CNRIP1: variants seen among roughly 807,000 people sequenced by gnomAD.
The protein encoded by CNRIP1 is CB1 cannabinoid receptor-interacting protein 1.
Under a neutral mutation model 15.2 loss-of-function variants are expected in CNRIP1, and 10 were observed. The observed-to-expected ratio is 0.66, with a 90% confidence interval of 0.41 to 1.12. CNRIP1 has a LOEUF of 1.12. Ranked by LOEUF, CNRIP1 falls within the 50% of genes most tolerant of loss-of-function variation. CNRIP1 has a pLI of 0.00. For missense variants in CNRIP1, 211 were observed against 214.7 expected, an observed-to-expected ratio of 0.98 and a Z score of 0.11; for synonymous variants, 91 against 83.2, an observed-to-expected ratio of 1.09 and a Z score of -0.51.
At chr2:68,294,252 G>T (rs891771028) in intron 2 of CNRIP1, among the ~76,000 whole-genome samples, 1 of 152,156 alleles carries the variant, frequency 6.6e-6, no homozygotes, top group Non-Finnish European at 1.5e-5. Flanking sequence ...TATAAAATCT[G>T]ATTCCCATTG....
At chr2:68,292,291 TC>T (rs1227997269), downstream of CNRIP1, among the ~76,000 whole-genome samples, 1 of 152,122 alleles carries the variant, frequency 6.6e-6, no homozygotes, top group Non-Finnish European at 1.5e-5. Context: ...TCCTTTAACA[TC>T]ATTTATGATC....
At chr2:68,316,079 G>C (rs1672259420) in intron 2 of CNRIP1, 1 of 152,186 alleles carries the variant, frequency 6.6e-6, no homozygotes, top group African/African-American at 2.4e-5. Flanking sequence ...GGGATGAGCT[G>C]CTAGATTATT....
At chr2:68,305,631 T>C (rs989358939) in intron 2 of CNRIP1, among the ~76,000 whole-genome samples, 1 of 150,570 alleles carries the variant, frequency 6.6e-6, no homozygotes, top group East Asian at 2.0e-4. Flanking sequence ...CCGTCTCTAC[T>C]AAAAATACAA....
At chr2:68,296,660 G>T (rs1475662161) in intron 2 of CNRIP1, among the ~76,000 whole-genome samples, 1 of 151,826 alleles carries the variant, frequency 6.6e-6, no homozygotes, top group Non-Finnish European at 1.5e-5. Context: ...TTTTTGAGAT[G>T]GAGTCTAGCT....
At chr2:68,288,605 G>A (rs1252605014), downstream of CNRIP1, among the ~76,000 whole-genome samples, 2 of 152,126 alleles carry the variant, frequency 1.3e-5, no homozygotes, top group Admixed American at 6.6e-5. Context: ...TAGTTAACAT[G>A]GCTTCAAAGA....
chr2:68,310,907 T>C (rs1199318159), intron 2 of CNRIP1, among the ~76,000 whole-genome samples: 1 of 151,838 alleles, frequency 6.6e-6, no homozygotes, highest in African/African-American at 2.4e-5. Context: ...AGCTAAAAAA[T>C]GTTATAGAAT....
At chr2:68,308,455 CAT>C (rs56831445) in intron 2 of CNRIP1, among the ~76,000 whole-genome samples, 1,951 of 152,136 alleles carry the variant, frequency 0.013, 50 homozygotes, top group African/African-American at 0.043. Flanking sequence ...TGTGTAGAGA[CAT>C]AATTTCTTAT....
At position 68,317,172 on chromosome 2, in the gene CNRIP1, G is replaced by A. The variant is rs199702930; in HGVS notation, c.315C>T (p.Ile105=). 3.8e-5 allele frequency: 62 copies of A among 1,614,036 alleles called. No homozygotes were observed. Among genetic ancestry groups the A allele is most frequent in the Non-Finnish European group, 4.9e-5 (58 of 1,180,024 alleles). Reference sequence around the variant, plus strand: ...CAAGCCTTACCGGCATGGTGATCTGGATGGGTTGCCGTTCTCCACTCTTCG... The same window carrying A: ...CAAGCCTTACCGGCATGGTGATCTGAATGGGTTGCCGTTCTCCACTCTTCG... ...TPTKSGERQP[I]QITMPFTDIG... The change falls in exon 2 of 3, where the codon ATC becomes ATT. Residue 105 remains isoleucine, a synonymous_variant. Coordinates refer to ENST00000263655, the MANE Select transcript of CNRIP1 (RefSeq NM_015463.3).
At chr2:68,295,948 A>G (rs1436648808) in intron 2 of CNRIP1, among the ~76,000 whole-genome samples, 2 of 152,210 alleles carry the variant, frequency 1.3e-5, no homozygotes, top group Admixed American at 1.3e-4. Context: ...GCTATAAGAA[A>G]ACAGGTATTC....
At chr2:68,295,006 G>A (rs539257643) in intron 2 of CNRIP1, among the ~76,000 whole-genome samples, 8 of 152,298 alleles carry the variant, frequency 5.3e-5, no homozygotes, top group Admixed American at 6.5e-5. Context: ...TGCTCAAGTG[G>A]CCTGTGGGGT....
Position 68,311,113 on chromosome 2 carries a change from A to G in CNRIP1, c.330+6044T>C, listed in dbSNP as rs116725985. Among the ~76,000 whole-genome samples, 621 of 152,302 alleles carry G rather than the reference A, an allele frequency of 4.1e-3. 3 individuals carry two copies. The highest frequency in any genetic ancestry group is 4.4e-3 in the Non-Finnish European group (300 of 68,022). ...CAAAGAAAGGAGAGAATGAAGTATT[A>G]AAAAAGTATTTAACAAAACAATGGT... On this transcript the variant is annotated intron_variant, in intron 2 of 2. Coordinates refer to ENST00000263655, the MANE Select transcript of CNRIP1 (RefSeq NM_015463.3).
rs1384905244 is a variant in CNRIP1, at chr2:68,305,260, ATAT to A, written c.331-11237_331-11235del. Among the ~76,000 whole-genome samples the A allele has an allele frequency of 1.3e-3, 83 of 63,142 alleles. 1 individual carries two copies. Among genetic ancestry groups the A allele is most frequent in the Non-Finnish European group, 2.2e-3 (72 of 32,712 alleles). 41.4% of individuals were successfully genotyped at this position (63,142 alleles called of 152,430 possible). ...ACTCCGTCTCAAAAAAAAAAAAAAA[ATAT>A]ATATATATATATGTGTGTGTGTGTG... On this transcript the variant is annotated intron_variant, in intron 2 of 2. Coordinates refer to ENST00000263655, the MANE Select transcript of CNRIP1 (RefSeq NM_015463.3).
chr2:68,288,113 C>A (rs908651027), downstream of CNRIP1, among the ~76,000 whole-genome samples: 4 of 151,490 alleles, frequency 2.6e-5, no homozygotes, highest in African/African-American at 9.7e-5. Context: ...AATCTCATCA[C>A]CTTTTTGTTG....
At position 68,284,810 on chromosome 2, in the gene CNRIP1, CAAAAA is replaced by C. The variant is rs146572383; in HGVS notation, c.331-331_331-327del. ...TGAGTGACAGAGCGAGACTCTGTCT[CAAAAA>C]AAAAAAAAAAAAAGAAAAGAAAACC... On this transcript the variant is annotated intron_variant, in intron 2 of 2. Coordinates refer to the CNRIP1 transcript ENST00000409559. Among the ~76,000 whole-genome samples, 156 of 73,786 alleles carry C rather than the reference CAAAAA, an allele frequency of 2.1e-3. 1 individual carries two copies. The highest frequency in any genetic ancestry group is 6.6e-3 in the African/African-American group (154 of 23,266). The allele number at this position is 73,786 out of a possible 152,430, so 48.4% of individuals were successfully genotyped here.
chr2:68,299,596 G>T (rs1479483258), intron 2 of CNRIP1, among the ~76,000 whole-genome samples: 1 of 152,202 alleles, frequency 6.6e-6, no homozygotes, highest in Non-Finnish European at 1.5e-5. Flanking sequence ...GATGTTTGTT[G>T]TTTCATCCAT....
chr2:68,304,480 T>A (rs1007892514), intron 2 of CNRIP1, among the ~76,000 whole-genome samples: 1 of 152,050 alleles, frequency 6.6e-6, no homozygotes, highest in African/African-American at 2.4e-5. Context: ...AGGTCTGCGG[T>A]CCCTAACTGT....
rs1156618820 is a variant in CNRIP1, at chr2:68,297,885, T to C, written c.331-3859A>G. ...GGTTTATATACATTATGAGCTCAAA[T>C]ATGTAAAATAAGATGTATAGAAAAA... is the stretch of plus-strand genomic sequence containing the variant. On this transcript the variant is annotated intron_variant, in intron 2 of 2. Transcript: ENST00000263655. 3.9e-5 allele frequency among the ~76,000 whole-genome samples: 6 copies of C among 152,292 alleles called. No individual in the cohort carries two copies. In the East Asian group the frequency reaches 1.2e-3, roughly 29 times the overall value.
intron 2 of CNRIP1, among the ~76,000 whole-genome samples, chr2:68,303,102 C>CT (rs77185481): frequency 0.21 from 31,313 of 151,758 alleles, 3,966 homozygotes; most frequent in East Asian, 0.6. Flanking sequence ...CCGCCTTGGC[C>CT]CCCAAAGTGC....
rs189571319 is a variant in CNRIP1 at position 68,293,684 on chromosome 2, T to C, written c.*178A>G. ...TCGGGAGTGGTACATCACCATCTTG[T>C]ATGTGAGGGATATTGTGTCAGAGGG... On this transcript the variant is annotated 3_prime_UTR_variant, in exon 3 of 3. Transcript: ENST00000263655. The C allele has an allele frequency of 6.6e-4, 901 of 1,368,938 alleles. 7 individuals are homozygous for C. In the African/African-American group the frequency reaches 0.011, roughly 17 times the overall value. The allele number at this position is 1,368,938 out of a possible 1,614,324, so 84.8% of individuals were successfully genotyped here.
Sources: allele counts gnomAD v4.1 joint callset (sites outside exome capture counted in the v4.1 genomes callset), GRCh38; gene constraint gnomAD v4.1.1; transcripts MANE v1.5; gene names NCBI Gene and HGNC (gene_info 2026-07-23, HGNC 2026-07-21).